CACNB4: variants seen among roughly 807,000 people sequenced by gnomAD.
CACNB4 encodes voltage-dependent L-type calcium channel subunit beta-4.
In CACNB4, 32 loss-of-function variants were observed where a neutral mutation model predicts 71.2. The observed-to-expected ratio is 0.45, with a 90% CI of 0.34 to 0.60. The LOEUF (loss-of-function observed/expected upper bound fraction) is 0.60. Among genes scored for constraint, CACNB4 ranks in the 20% least tolerant of loss-of-function variants. The pLI is 0.01. For missense variants in CACNB4, 464 were observed against 647.9 expected (o/e 0.72, Z 3.08); for synonymous variants, 231 against 236.9 (o/e 0.97, Z 0.23).
At chr2:152,054,752 T>C (rs1685638402) in intron 2 of CACNB4, among the ~76,000 whole-genome samples, 1 of 152,198 alleles carries the variant, frequency 6.6e-6, no homozygotes, top group East Asian at 1.9e-4. Flanking sequence ...TCTTTTTTAT[T>C]ATAGCCATCC....
chr2:151,883,765 CTGTATT>C (rs2099848572), intron 2 of CACNB4: 1 of 289,210 alleles, frequency 3.5e-6, no homozygotes, highest in Non-Finnish European at 6.7e-6. Flanking sequence ...TAAATCCTAC[CTGTATT>C]TGGGCTATGG....
intron 2 of CACNB4, among the ~76,000 whole-genome samples, chr2:151,939,935 A>T (rs952339): frequency 0.92 from 140,544 of 152,244 alleles, 65,225 homozygotes; most frequent in Middle Eastern, 0.98. Flanking sequence ...TTGGCTTTTA[A>T]AAGAGCCTGG....
In CACNB4 at chr2:151,834,407, G is replaced by T. The variant is rs2099834442; in HGVS notation, c.*4712C>A. The T allele has an allele frequency of 6.6e-6, 1 of 151,928 alleles. No individual in the cohort carries two copies. The highest frequency in any genetic ancestry group is 1.5e-5 in the Non-Finnish European group (1 of 67,844). 9.4% of individuals were successfully genotyped at this position (151,928 alleles called of 1,614,324 possible). On this transcript the variant is annotated 3_prime_UTR_variant, in exon 14 of 14. Transcript: ENST00000539935. Reference sequence around the variant, plus strand: ...TATACTTTGTTTATGGCAAGTAGAAGTTACAGCCCTTAGGATTATCTGATG... The same window carrying T: ...TATACTTTGTTTATGGCAAGTAGAATTTACAGCCCTTAGGATTATCTGATG...
intron 2 of CACNB4, among the ~76,000 whole-genome samples, chr2:151,893,461 C>T (rs1276367915): frequency 3.3e-5 from 5 of 152,046 alleles, no homozygotes; most frequent in East Asian, 1.9e-4. Flanking sequence ...AGACTGATCT[C>T]GAACTCCTGA....
intron 12 of CACNB4, among the ~76,000 whole-genome samples, chr2:151,849,226 G>A (rs1430688295): frequency 6.6e-6 from 1 of 152,086 alleles, no homozygotes; most frequent in Non-Finnish European, 1.5e-5. Flanking sequence ...GAGATGAAGA[G>A]TTATATCCCC....
intron 2 of CACNB4, among the ~76,000 whole-genome samples, chr2:151,998,315 C>CAAAAAAAAAA (rs70974815): frequency 3.5e-4 from 39 of 110,690 alleles, no homozygotes; most frequent in African/African-American, 1.5e-3. Context: ...ACTCCATCTC[C>CAAAAAAAAAA]AAAAAAAAAA....
rs1203022375 is a variant in CACNB4, at chr2:151,839,361, T to C, written c.1321A>G (p.Ser441Gly). 3.7e-6 allele frequency: 6 copies of C among 1,609,676 alleles called. No individual in the cohort carries two copies. The African/African-American group carries it at 5.3e-5, about 14-fold the overall frequency. Residue 441 changes from serine to glycine, a missense_variant, in exon 14 of 14, where the codon AGC becomes GGC. By Grantham distance (56) the Ser-to-Gly change is moderately conservative (BLOSUM62 0). Around this residue, in one of 3 missense-constraint regions of CACNB4, gnomAD observed 115 missense variants for 128.8 expected, o/e 0.89. Coordinates refer to ENST00000539935, the MANE Select transcript of CACNB4 (RefSeq NM_000726.5). ...GGAGAGTTCTCTGTGGAGTGGTTGCTGTGCCTCATTCGCTGACTCTAAAAA... is the reference window on the plus strand; with the variant it reads ...GGAGAGTTCTCTGTGGAGTGGTTGCCGTGCCTCATTCGCTGACTCTAAAAA... Reference protein sequence around the residue: ...SGLQSQRMRHSNHSTENSPIE... With the variant: ...SGLQSQRMRHGNHSTENSPIE...
intron 2 of CACNB4, among the ~76,000 whole-genome samples, chr2:151,907,291 T>C (rs2099855064): frequency 6.6e-6 from 1 of 152,246 alleles, no homozygotes; most frequent in African/African-American, 2.4e-5. Context: ...TTTATGTTCA[T>C]ATTTTTTCCT....
intron 2 of CACNB4, among the ~76,000 whole-genome samples, chr2:151,945,908 T>C (rs546618307): frequency 6.6e-6 from 1 of 151,376 alleles, no homozygotes; most frequent in East Asian, 1.9e-4. Context: ...TACATGTGTG[T>C]GTGCGCGTGT....
chr2:151,971,543 A>T lies in CACNB4; in HGVS notation c.148-88173T>A, dbSNP rs1358691309. ...TCCATCTGGACAACCCCCCACACTT[A>T]CAGCCATAAATGCATTGGCACTGAG... is the stretch of plus-strand genomic sequence containing the variant. On this transcript the variant is annotated intron_variant, in intron 2 of 13. Transcript: ENST00000539935. 1.6e-5 allele frequency: 11 copies of T among 702,908 alleles called. No individual in the cohort carries two copies. The South Asian group carries it at 1.6e-4, about 10-fold the overall frequency. The allele number at this position is 702,908 out of a possible 1,614,324, so 43.5% of individuals were successfully genotyped here.
At chr2:151,982,011 T>G (rs1464080093) in intron 2 of CACNB4, among the ~76,000 whole-genome samples, 1 of 152,134 alleles carries the variant, frequency 6.6e-6, no homozygotes, top group East Asian at 1.9e-4. Flanking sequence ...AATGGATTAG[T>G]CTTAGCCCTC....
chr2:151,953,870 T>C (rs2099867542), intron 2 of CACNB4, among the ~76,000 whole-genome samples: 2 of 152,368 alleles, frequency 1.3e-5, no homozygotes, highest in East Asian at 1.9e-4. Flanking sequence ...AGTCCTTTGG[T>C]AACACTCTGA....
Position 151,839,368 on chromosome 2 carries a change from C to T in CACNB4, c.1314G>A (p.Met438Ile). 6.2e-7 allele frequency: 1 copy of T among 1,607,382 alleles called. No homozygotes were observed. Among genetic ancestry groups the T allele is most frequent in the Admixed American group, 1.7e-5 (1 of 59,786 alleles). Residue 438 changes from methionine to isoleucine, a missense_variant, in exon 14 of 14, where the codon ATG (methionine) becomes ATA (isoleucine). Around this residue, in one of 3 missense-constraint regions of CACNB4, gnomAD observed 115 missense variants for 128.8 expected, o/e 0.89. Coordinates refer to ENST00000539935, the MANE Select transcript of CACNB4 (RefSeq NM_000726.5). ...TAISGLQSQR[M>I]RHSNHSTENS... The stretch of plus-strand genomic sequence containing the variant: ...TCTCTGTGGAGTGGTTGCTGTGCCT[C>T]ATTCGCTGACTCTAAAAATATCAGA...
intron 12 of CACNB4, among the ~76,000 whole-genome samples, chr2:151,842,560 T>A (rs1260533205): frequency 6.6e-6 from 1 of 152,082 alleles, no homozygotes; most frequent in Admixed American, 6.5e-5. Flanking sequence ...GGTCTTGAAC[T>A]CTTGACCTAG....
chr2:151,844,172 C>T (rs930096327), intron 12 of CACNB4, among the ~76,000 whole-genome samples: 2 of 152,184 alleles, frequency 1.3e-5, no homozygotes, highest in African/African-American at 2.4e-5. Flanking sequence ...GGAAAACAGA[C>T]ATCTTATGCT....
chr2:151,944,513 C>T (rs770651319), intron 2 of CACNB4, among the ~76,000 whole-genome samples: 4 of 152,018 alleles, frequency 2.6e-5, no homozygotes, highest in Non-Finnish European at 5.9e-5. Context: ...AACTGAAGGC[C>T]GGGTGTGGTG....
intron 2 of CACNB4, among the ~76,000 whole-genome samples, chr2:152,057,708 C>T (rs182524832): frequency 2.3e-4 from 35 of 152,280 alleles, no homozygotes; most frequent in Admixed American, 1.7e-3. Flanking sequence ...CATATGCACA[C>T]GCACAGATCT....
intron 2 of CACNB4, among the ~76,000 whole-genome samples, chr2:152,044,469 C>A (rs1685040474): frequency 6.6e-6 from 1 of 152,190 alleles, no homozygotes; most frequent in African/African-American, 2.4e-5. Context: ...CCGCCTGCCT[C>A]AGCCTCCCAA....
At chr2:151,931,218 T>G (rs1182052273) in intron 2 of CACNB4, among the ~76,000 whole-genome samples, 1 of 152,208 alleles carries the variant, frequency 6.6e-6, no homozygotes, top group African/African-American at 2.4e-5. Context: ...CTAAGGAATC[T>G]GTCCTGTGCT....
Sources: gnomAD v4.1 joint callset for allele counts (sites outside exome capture counted in the v4.1 genomes callset) on GRCh38, gnomAD v4.1.1 for gene constraint, gnomAD v4.1.1 regional missense constraint, MANE v1.5 for transcripts, NCBI Gene and HGNC (gene_info 2026-07-23, HGNC 2026-07-21) for gene names.